LRCH2: variants seen among roughly 807,000 people sequenced by gnomAD.
LRCH2 encodes the protein leucine-rich repeat and calponin homology domain-containing protein 2.
In LRCH2, 38 loss-of-function variants were observed where a neutral mutation model predicts 68.9. That is an observed-to-expected ratio of 0.55 (90% CI 0.43 to 0.72). The LOEUF is 0.72. Ranked by LOEUF, LRCH2 falls within the 30% of genes least tolerant of loss-of-function variation. The pLI, the probability that LRCH2 is intolerant of heterozygous loss-of-function variation, is 0.00. For missense variants in LRCH2, 528 were observed against 572.9 expected, an observed-to-expected ratio of 0.92 and a Z score of 0.80; for synonymous variants, 191 against 208.1, an observed-to-expected ratio of 0.92 and a Z score of 0.71.
intron 20 of LRCH2, among the ~76,000 whole-genome samples, chrX:115,116,108 G>A (rs781855714): frequency 2.7e-5 from 3 of 111,261 alleles, no homozygotes; most frequent in Middle Eastern, 4.2e-3. Context: ...TGGTGGAAAT[G>A]TAAAAATAGT....
chrX:115,228,629 G>A (rs1193921295), intron 1 of LRCH2, among the ~76,000 whole-genome samples: 2 of 111,583 alleles, frequency 1.8e-5, no homozygotes, highest in African/African-American at 3.3e-5. Flanking sequence ...GTGAGGTTCT[G>A]GATCTTGTCT....
At chrX:115,166,119 C>A in intron 7 of LRCH2, 136 bp downstream of exon 7, 1 of 652,765 alleles carries the variant, frequency 1.5e-6, no homozygotes. Flanking sequence ...TCAGCATGCC[C>A]TTTTTTTCAG....
intron 5 of LRCH2, among the ~76,000 whole-genome samples, 181 bp from the exon 6 acceptor site, chrX:115,170,613 C>T (rs896541543): frequency 7.2e-5 from 8 of 111,636 alleles, no homozygotes; most frequent in Non-Finnish European, 1.9e-5. Context: ...CTGATACCAA[C>T]TAAAATTCTA....
At chrX:115,178,945 TA>T (rs1409110054) in intron 5 of LRCH2, among the ~76,000 whole-genome samples, 1 of 112,298 alleles carries the variant, frequency 8.9e-6, no homozygotes, top group Non-Finnish European at 1.9e-5. Context: ...ACTTTGTCCA[TA>T]GGGGATTATA....
chrX:115,179,364 T>A, intron 5 of LRCH2, 63 bp downstream of exon 5: 1 of 939,193 alleles, frequency 1.1e-6, no homozygotes, highest in Non-Finnish European at 1.4e-6. Flanking sequence ...GATTTACCAG[T>A]CATAAACAGA....
chrX:115,137,229 T>C (rs1556532303), intron 14 of LRCH2, among the ~76,000 whole-genome samples: 1 of 110,722 alleles, frequency 9.0e-6, no homozygotes, highest in Non-Finnish European at 1.9e-5. Flanking sequence ...AGTATGAGGG[T>C]TCCAAAAAGG....
At chrX:115,186,364 T>G (rs1356589917) in intron 2 of LRCH2, among the ~76,000 whole-genome samples, 9 of 105,531 alleles carry the variant, frequency 8.5e-5, no homozygotes, top group Non-Finnish European at 1.7e-4. Context: ...AAAAAAAAAA[T>G]GCATATTCAT....
chrX:115,136,519 A>G (rs181178631), intron 14 of LRCH2, among the ~76,000 whole-genome samples: 54 of 109,877 alleles, frequency 4.9e-4, no homozygotes, highest in Non-Finnish European at 8.0e-4. Flanking sequence ...CATATTTTCA[A>G]TCAAGGTTGG....
intron 5 of LRCH2, among the ~76,000 whole-genome samples, chrX:115,177,231 C>T (rs1381330096): frequency 9.2e-6 from 1 of 108,226 alleles, no homozygotes; most frequent in Non-Finnish European, 1.9e-5. Context: ...AGCTACCATC[C>T]GACCTGTCTG....
At chrX:115,201,448 C>T (rs2072929238) in intron 1 of LRCH2, among the ~76,000 whole-genome samples, 1 of 111,504 alleles carries the variant, frequency 9.0e-6, no homozygotes, top group African/African-American at 3.3e-5. Context: ...GCAGAAAATG[C>T]ATTTGATAAG....
intron 20 of LRCH2, among the ~76,000 whole-genome samples, chrX:115,117,053 C>G (rs1435178907): frequency 1.8e-5 from 2 of 111,274 alleles, no homozygotes; most frequent in African/African-American, 6.5e-5. Flanking sequence ...GTAAAGAAAT[C>G]TGAAATTCAA....
intron 20 of LRCH2, among the ~76,000 whole-genome samples, chrX:115,114,244 A>G (rs1321279625): frequency 9.0e-6 from 1 of 111,250 alleles, no homozygotes; most frequent in Non-Finnish European, 1.9e-5. Flanking sequence ...TACTCCCATA[A>G]CCCATTCTCC....
chrX:115,130,968 G>A (rs928564633), intron 14 of LRCH2, among the ~76,000 whole-genome samples: 5 of 111,023 alleles, frequency 4.5e-5, no homozygotes, highest in East Asian at 2.8e-4. Context: ...TTAACCTTCC[G>A]TTTACAACTC....
chrX:115,160,219 G>A (rs1334220899), intron 11 of LRCH2, among the ~76,000 whole-genome samples: 1 of 111,029 alleles, frequency 9.0e-6, no homozygotes, highest in Non-Finnish European at 1.9e-5. Flanking sequence ...GGGAGGCTGA[G>A]CCAGGAGAAT....
At chrX:115,190,980 C>T in intron 1 of LRCH2, 1 of 1,163,510 alleles carries the variant, frequency 8.6e-7, no homozygotes, top group Admixed American at 2.6e-5. Flanking sequence ...ATGAGGAGAA[C>T]CGAGGCCACT....
intron 1 of LRCH2, among the ~76,000 whole-genome samples, chrX:115,213,297 C>T (rs1429545338): frequency 9.0e-6 from 1 of 111,374 alleles, no homozygotes; most frequent in Non-Finnish European, 1.9e-5. Context: ...AGCCTAACCA[C>T]GGAAAACATA....
chrX:115,123,940 T>C lies in LRCH2; in HGVS notation c.1849+5A>G, dbSNP rs1407255287. 5.6e-6 allele frequency: 6 copies of C among 1,077,219 alleles called. No homozygotes were observed. In the African/African-American group the frequency reaches 1.1e-4, roughly 20 times the overall value. The allele number at this position is 1,077,219 out of a possible 1,213,427, so 88.8% of individuals were successfully genotyped here. A position where few individuals can be genotyped will look rare whatever the true frequency, so the allele number is the denominator to read the frequency against. Reference sequence around the variant, plus strand: ...ATAAATTTTATTTACAGAATATCTATTTACCTGATCTAGGCTTCAAGCCAA... The same window carrying C: ...ATAAATTTTATTTACAGAATATCTACTTACCTGATCTAGGCTTCAAGCCAA... On this transcript the variant is annotated splice_donor_5th_base_variant and intron_variant, in intron 17 of 20. Coordinates refer to ENST00000317135, the MANE Select transcript of LRCH2 (RefSeq NM_020871.4).
chrX:115,122,721 C>T (rs1556526401), intron 19 of LRCH2, 39 bp downstream of exon 19: 3 of 1,197,051 alleles, frequency 2.5e-6, no homozygotes, highest in Non-Finnish European at 2.3e-6. Context: ...GAAGCTATAT[C>T]TTCCTTTAGA....
chrX:115,184,422 A>C lies in LRCH2; in HGVS notation c.610T>G (p.Leu204Val). The C allele has an allele frequency of 8.5e-7, 1 of 1,169,940 alleles. No individual in the cohort carries two copies. Among genetic ancestry groups the C allele is most frequent in the Non-Finnish European group, 1.1e-6 (1 of 873,688 alleles). ...IPEEIGKLKDLMELDISCNEI... is the reference protein window; with the variant it reads ...IPEEIGKLKDVMELDISCNEI... Reference sequence around the variant, plus strand: ...ACTAAGTTACTCACCAATTCCATTAAATCTTTTAACTTCCCAATTTCTTCT... The same window carrying C: ...ACTAAGTTACTCACCAATTCCATTACATCTTTTAACTTCCCAATTTCTTCT... Residue 204 changes from leucine (L) to valine (V), a missense_variant, in exon 3 of 21, where the codon TTA becomes GTA. Leu to Val is a conservative substitution (Grantham distance 32). Coordinates refer to ENST00000317135, the MANE Select transcript of LRCH2 (RefSeq NM_020871.4).
Sources: allele counts gnomAD v4.1 joint callset (sites outside exome capture counted in the v4.1 genomes callset), GRCh38; gene constraint gnomAD v4.1.1; transcripts MANE v1.5; gene names NCBI Gene and HGNC (gene_info 2026-07-23, HGNC 2026-07-21).